The following DNAH1 variants were observed in gnomAD, a reference collection of about 807,000 sequenced individuals.
The protein encoded by DNAH1 is dynein axonemal heavy chain 1.
DNAH1 carries 327 observed loss-of-function variants against 484.3 expected under a neutral mutation model. That is an observed-to-expected ratio of 0.68 (90% CI 0.62 to 0.74). The LOEUF (loss-of-function observed/expected upper bound fraction) is 0.74. Ranked by LOEUF, DNAH1 falls within the 30% of genes least tolerant of loss-of-function variation. The pLI is 0.00. For synonymous variants in DNAH1, 2,192 were observed against 2,191.9 expected, an observed-to-expected ratio of 1.00 and a Z score of 0.00; for missense variants, 5,052 against 5,546.8, an observed-to-expected ratio of 0.91 and a Z score of 2.83.
chr3:52,334,562 G>A (rs1435405963), intron 8 of DNAH1, among the ~76,000 whole-genome samples: 5 of 152,174 alleles, frequency 3.3e-5, no homozygotes, highest in African/African-American at 9.7e-5. Context: ...GCCAAGGTGG[G>A]TGGATTGATT....
At chr3:52,344,769 C>T (rs1702079118) in intron 9 of DNAH1, 122 bp downstream of exon 9, 20 of 1,093,024 alleles carry the variant, frequency 1.8e-5, no homozygotes, top group South Asian at 3.1e-5. Context: ...ACACTCCCTG[C>T]ACCTCCCCTG....
rs1442408566 is a variant in DNAH1 at position 52,353,217 on chromosome 3, A to G, written c.3142A>G (p.Ile1048Val). Residue 1048 changes from isoleucine (I) to valine (V), a missense_variant, in exon 19 of 78, where the codon ATC (isoleucine) becomes GTC (valine). Physicochemically the swap from Ile to Val is conservative, Grantham distance 29 (BLOSUM62 3). Transcript: ENST00000420323. This position sits in a 1 kb window ranked among gnomAD's most constrained non-coding sequence, Gnocchi z 5.0. The part of the protein sequence containing the change: ...ESWMNDPLSA[I>V]DAEQLEKNVV... ...CTGGATGAATGACCCCCTCTCTGCC[A>G]TCGATGCTGAGCAGCTGGAGAAGAA... 9 of 1,614,004 alleles carry G rather than the reference A, an allele frequency of 5.6e-6. No individual in the cohort carries two copies. The highest frequency in any genetic ancestry group is 3.3e-5 in the South Asian group (3 of 91,090).
At position 52,323,781 on chromosome 3, in the gene DNAH1, AC is replaced by A. The variant is rs747184492; in HGVS notation, c.334-26del. On this transcript the variant is annotated intron_variant, in intron 2 of 77. Transcript: ENST00000420323. ...GCCTGTCCCTGGGAGGTTGACACAT[AC>A]TCAGGGCTCCATGGTTTGGTTTCAG... is the stretch of plus-strand genomic sequence containing the variant. 3.8e-6 allele frequency: 6 copies of A among 1,573,318 alleles called. No individual in the cohort carries two copies. In the Admixed American group the frequency reaches 1.1e-4, roughly 29 times the overall value.
chr3:52,347,210 T>C (rs1259339164), intron 11 of DNAH1, among the ~76,000 whole-genome samples: 1 of 149,944 alleles, frequency 6.7e-6, no homozygotes, highest in East Asian at 1.9e-4. Context: ...AAACAAGTTA[T>C]GAGGCGATGT....
chr3:52,355,900 C>T lies in DNAH1; in HGVS notation c.3694-714C>T, dbSNP rs558715083. 3.3e-4 allele frequency among the ~76,000 whole-genome samples: 51 copies of T among 152,332 alleles called. 1 individual carries two copies. In the Middle Eastern group the frequency reaches 0.02, roughly 61 times the overall value. On this transcript the variant is annotated intron_variant, in intron 21 of 77. Coordinates refer to ENST00000420323, the MANE Select transcript of DNAH1 (RefSeq NM_015512.5). The surrounding 1 kb of genome is among the most constrained non-coding windows in gnomAD (Gnocchi z 4.5). Reference sequence around the variant, plus strand: ...CTCTTTCAGAGTCCACTACACATGCCGGGCCCATGATTCAGGGGCAGAACT... The same window carrying T: ...CTCTTTCAGAGTCCACTACACATGCTGGGCCCATGATTCAGGGGCAGAACT...
intron 8 of DNAH1, among the ~76,000 whole-genome samples, chr3:52,342,433 C>A (rs1701973403): frequency 6.6e-6 from 1 of 152,172 alleles, no homozygotes; most frequent in South Asian, 2.1e-4. Context: ...ATGCCATAAT[C>A]AGGGCCAGAG....
At chr3:52,382,593 G>A (rs371599199) in intron 50 of DNAH1, 138 bp downstream of exon 50, 5 of 1,398,530 alleles carry the variant, frequency 3.6e-6, no homozygotes, top group African/African-American at 1.4e-5. Flanking sequence ...ACCAGGACCA[G>A]GTGGGGCCAC....
Position 52,358,607 on chromosome 3 carries a change from G to T in DNAH1, c.4136G>T (p.Gly1379Val). The T allele has an allele frequency of 6.2e-7, 1 of 1,613,198 alleles. No individual in the cohort carries two copies. The highest frequency in any genetic ancestry group is 8.5e-7 in the Non-Finnish European group (1 of 1,179,722). The change falls in exon 25 of 78, where the codon GGG becomes GTG. Residue 1379 changes from glycine (G) to valine (V), a missense_variant. Coordinates refer to ENST00000420323, the MANE Select transcript of DNAH1 (RefSeq NM_015512.5). This position sits in a 1 kb window ranked among gnomAD's most constrained non-coding sequence, Gnocchi z 4.2. ...LEITHMYSAEGEEVQLCFSIY... is the reference protein window; with the variant it reads ...LEITHMYSAEVEEVQLCFSIY... ...ATCACGCACATGTACTCAGCCGAGG[G>T]GGAGGAGGTACAGTTGTGCTTCTCC... is the stretch of plus-strand genomic sequence containing the variant.
At position 52,398,306 on chromosome 3, in the gene DNAH1, G is replaced by A. The variant is rs757294572; in HGVS notation, c.12089+144G>A. The A allele has an allele frequency of 4.6e-5, 51 of 1,116,360 alleles. 1 individual carries two copies. The highest frequency in any genetic ancestry group is 6.7e-5 in the South Asian group (4 of 59,340). 69.2% of individuals were successfully genotyped at this position (1,116,360 alleles called of 1,614,324 possible). Reference sequence around the variant, plus strand: ...TATTTTTTGTTGTTGTTGTTGACACGGAGTCTCTCTCTGTTGCCATGCTGG... The same window carrying A: ...TATTTTTTGTTGTTGTTGTTGACACAGAGTCTCTCTCTGTTGCCATGCTGG... On this transcript the variant is annotated intron_variant, in intron 75 of 77. Coordinates refer to ENST00000420323, the MANE Select transcript of DNAH1 (RefSeq NM_015512.5).
chr3:52,366,509 C>T lies in DNAH1; in HGVS notation c.5571C>T (p.Gly1857=), dbSNP rs764678460. Residue 1857 remains glycine, a synonymous_variant, in exon 35 of 78, where the codon GGC becomes GGT. Coordinates refer to ENST00000420323, the MANE Select transcript of DNAH1 (RefSeq NM_015512.5). ...QLYETTVVRH[G]LMLVGPTGSG... ...ACGAGACCACGGTGGTACGACACGG[C>T]CTCATGCTCGTCGGGCCCACAGGCT... The T allele has an allele frequency of 6.9e-6, 11 of 1,602,786 alleles. No homozygotes were observed. In the African/African-American group the frequency reaches 1.5e-4, roughly 21 times the overall value.
Position 52,332,200 on chromosome 3 carries a change from C to T in DNAH1, c.1092C>T (p.Cys364=), listed in dbSNP as rs768178265. Reference sequence around the variant, plus strand: ...TGCCACGGATCCAGCTTCTCTTCTGCGCTGAGGACCCTTGCATGTTCGCAC... The same window carrying T: ...TGCCACGGATCCAGCTTCTCTTCTGTGCTGAGGACCCTTGCATGTTCGCAC... The part of the protein sequence containing the change: ...YWVPRIQLLF[C]AEDPCMFAQR... The change falls in exon 8 of 78, where the codon TGC becomes TGT. Residue 364 remains cysteine (C), a synonymous_variant. Coordinates refer to ENST00000420323, the MANE Select transcript of DNAH1 (RefSeq NM_015512.5). 1.2e-5 allele frequency: 20 copies of T among 1,605,548 alleles called. No homozygotes were observed. The highest frequency in any genetic ancestry group is 1.4e-5 in the Non-Finnish European group (17 of 1,175,762).
At chr3:52,341,118 G>A (rs1302380179) in intron 8 of DNAH1, among the ~76,000 whole-genome samples, 1 of 152,174 alleles carries the variant, frequency 6.6e-6, no homozygotes, top group African/African-American at 2.4e-5. Flanking sequence ...TATCAAAGAT[G>A]CTGGTCTCAG....
In DNAH1 at chr3:52,350,054, G is replaced by A; in HGVS notation, c.2592G>A (p.Leu864=). 1 of 1,613,316 alleles carries A rather than the reference G, an allele frequency of 6.2e-7. No homozygotes were observed. Among genetic ancestry groups the A allele is most frequent in the Non-Finnish European group, 8.5e-7 (1 of 1,179,788 alleles). Residue 864 remains leucine, a synonymous_variant, in exon 15 of 78, where the codon CTG becomes CTA. Transcript: ENST00000420323. Reference sequence around the variant, plus strand: ...AGAAGCCCAACAGCATTGAGGAGCTGGCTGAGCTGCGAGAGTGGATGAAGG... The same window carrying A: ...AGAAGCCCAACAGCATTGAGGAGCTAGCTGAGCTGCGAGAGTGGATGAAGG... The part of the protein sequence containing the change: ...IYEKPNSIEE[L]AELREWMKGI...
In DNAH1 at chr3:52,355,925, T is replaced by A. The variant is rs1306783573; in HGVS notation, c.3694-689T>A. On this transcript the variant is annotated intron_variant, in intron 21 of 77. Coordinates refer to ENST00000420323, the MANE Select transcript of DNAH1 (RefSeq NM_015512.5). This position sits in a 1 kb window ranked among gnomAD's most constrained non-coding sequence, Gnocchi z 4.5. ...CGGGCCCATGATTCAGGGGCAGAAC[T>A]GGCCCCTTAGTGGGCTGTGGGCCCC... is the stretch of plus-strand genomic sequence containing the variant. Among the ~76,000 whole-genome samples the A allele has an allele frequency of 1.3e-5, 2 of 152,226 alleles. No individual in the cohort carries two copies. Among genetic ancestry groups the A allele is most frequent in the Non-Finnish European group, 2.9e-5 (2 of 68,034 alleles).
intron 48 of DNAH1, 90 bp downstream of exon 48, chr3:52,380,225 A>C: frequency 1.7e-6 from 2 of 1,147,488 alleles, no homozygotes; most frequent in Non-Finnish European, 2.5e-6. Flanking sequence ...CACCACTAAC[A>C]GACTACCACA....
chr3:52,317,600 T>C (rs1248074453), intron 1 of DNAH1, among the ~76,000 whole-genome samples: 1 of 152,232 alleles, frequency 6.6e-6, no homozygotes, highest in Non-Finnish European at 1.5e-5. Context: ...TTTAGCTGTT[T>C]CGCTGCTTAC....
intron 5 of DNAH1, 125 bp from the exon 6 acceptor site, chr3:52,327,757 C>A: frequency 8.6e-7 from 1 of 1,156,390 alleles, no homozygotes; most frequent in Non-Finnish European, 1.2e-6. Flanking sequence ...GCCCCCAGTG[C>A]CACCTTGCAG....
At chr3:52,346,408 T>C in intron 10 of DNAH1, 64 bp from the exon 11 acceptor site, 1 of 1,495,398 alleles carries the variant, frequency 6.7e-7, no homozygotes. Context: ...ATAGAGTCCC[T>C]GAGTGCAGCT....
Position 52,380,086 on chromosome 3 carries a change from C to G in DNAH1, c.7559C>G (p.Ser2520Ter). 1.9e-6 allele frequency: 3 copies of G among 1,605,500 alleles called. No homozygotes were observed. Among genetic ancestry groups the G allele is most frequent in the Non-Finnish European group, 2.6e-6 (3 of 1,176,070 alleles). Residue 2520 changes from serine to a stop codon, truncating the protein, a stop_gained, in exon 48 of 78, where the codon TCA becomes TGA. Transcript: ENST00000420323. LOFTEE classifies it high-confidence loss of function. ...CCCATTCTTTACGGGGACTTCATGTCACCAGGCTCCGATGTCAAGTCCTAC... is the reference window on the plus strand; with the variant it reads ...CCCATTCTTTACGGGGACTTCATGTGACCAGGCTCCGATGTCAAGTCCTAC... ...FQPILYGDFMSPGSDVKSYEL... is the reference protein window; with the variant it reads ...FQPILYGDFM
Sources: allele counts gnomAD v4.1 joint callset (sites outside exome capture counted in the v4.1 genomes callset), GRCh38; gene constraint gnomAD v4.1.1; non-coding constraint Gnocchi (gnomAD v3.1); transcripts MANE v1.5; gene names NCBI Gene and HGNC (gene_info 2026-07-23, HGNC 2026-07-21).